CADM1: variants seen among roughly 807,000 people sequenced by gnomAD.
CADM1 encodes TSLC-1.
CADM1 carries 15 observed loss-of-function variants against 53.1 expected under a neutral mutation model. The ratio of observed to expected loss-of-function variants is 0.28; its 90% CI spans 0.19 to 0.44. The LOEUF is 0.44. Ranked by LOEUF, CADM1 falls within the 20% of genes least tolerant of loss-of-function variation. The probability of loss-of-function intolerance (pLI) is 1.00; values close to 1 mark genes in which losing one functional copy is unlikely to be tolerated. For synonymous variants in CADM1, 281 were observed against 243.0 expected (o/e 1.16, Z -1.45); for missense variants, 434 against 611.3 (o/e 0.71, Z 3.06).
intron 2 of CADM1, among the ~76,000 whole-genome samples, chr11:115,240,025 C>T (rs1380934310): frequency 6.6e-6 from 1 of 152,106 alleles, no homozygotes; most frequent in Non-Finnish European, 1.5e-5. Flanking sequence ...GACTCGATTG[C>T]AATTCACCTT....
intron 1 of CADM1, among the ~76,000 whole-genome samples, chr11:115,321,338 AGTGGTAAGT>A (rs1041733473): frequency 2.4e-4 from 36 of 152,284 alleles, no homozygotes; most frequent in African/African-American, 8.4e-4. Flanking sequence ...TAAATATGCT[AGTGGTAAGT>A]GCACAGTACT....
intron 5 of CADM1, among the ~76,000 whole-genome samples, chr11:115,227,588 A>C (rs982997109): frequency 6.6e-6 from 1 of 152,218 alleles, no homozygotes; most frequent in Non-Finnish European, 1.5e-5. Context: ...GAAATCTACT[A>C]TCTGCTAATT....
At chr11:115,346,610 G>C (rs944532985) in intron 1 of CADM1, among the ~76,000 whole-genome samples, 2 of 151,858 alleles carry the variant, frequency 1.3e-5, no homozygotes, top group Admixed American at 6.6e-5. Context: ...TTTTTGTTGG[G>C]GTGAGTAACA....
At chr11:115,476,240 A>C (rs1949127983) in intron 1 of CADM1, among the ~76,000 whole-genome samples, 1 of 152,232 alleles carries the variant, frequency 6.6e-6, no homozygotes, top group African/African-American at 2.4e-5. Flanking sequence ...TCAAGAATAT[A>C]ACTTATATTC....
At position 115,262,319 on chromosome 11, in the gene CADM1, A is replaced by T. The variant is rs188894706; in HGVS notation, c.125-21899T>A. On this transcript the variant is annotated intron_variant, in intron 1 of 11. Transcript: ENST00000331581. ...AAGCACTCACTTTCAAGGCATTTAGAATCTAAAAGGATGAAATCAACTTCA... is the reference window on the plus strand; with the variant it reads ...AAGCACTCACTTTCAAGGCATTTAGTATCTAAAAGGATGAAATCAACTTCA... Among the ~76,000 whole-genome samples the T allele has an allele frequency of 7.0e-4, 107 of 152,334 alleles. 2 individuals carry two copies. The East Asian group carries it at 0.01, about 14-fold the overall frequency.
At chr11:115,430,798 T>A (rs746488393) in intron 1 of CADM1, among the ~76,000 whole-genome samples, 2 of 152,144 alleles carry the variant, frequency 1.3e-5, no homozygotes, top group African/African-American at 4.8e-5. Flanking sequence ...AATACTCTCC[T>A]CCAGATAAAA....
chr11:115,359,967 G>A (rs1377933716), intron 1 of CADM1, among the ~76,000 whole-genome samples: 2 of 152,100 alleles, frequency 1.3e-5, no homozygotes, highest in African/African-American at 4.8e-5. Flanking sequence ...ATCACATGTT[G>A]AGAGCCTTGA....
intron 1 of CADM1, among the ~76,000 whole-genome samples, chr11:115,256,339 C>T (rs1292583633): frequency 6.6e-6 from 1 of 152,200 alleles, no homozygotes; most frequent in Non-Finnish European, 1.5e-5. Flanking sequence ...CAGAAAGAAT[C>T]AGGCTTGGAA....
At chr11:115,281,604 A>C (rs1370934106) in intron 1 of CADM1, among the ~76,000 whole-genome samples, 5 of 152,168 alleles carry the variant, frequency 3.3e-5, no homozygotes, top group African/African-American at 1.2e-4. Flanking sequence ...CAAATAATGA[A>C]ACTTGTTCTT....
chr11:115,214,682 T>G lies in CADM1; in HGVS notation c.920A>C (p.Asp307Ala). ...AGCTTCACAGCGGTATGTACCATTATCTGTTTTGTTTAGGTTATTGATGAA... is the reference window on the plus strand; with the variant it reads ...AGCTTCACAGCGGTATGTACCATTAGCTGTTTTGTTTAGGTTATTGATGAA... ...NLFINNLNKT[D>A]NGTYRCEASN... Residue 307 changes from aspartate to alanine, a missense_variant, in exon 7 of 12, where the codon GAT becomes GCT. By Grantham distance (126) the Asp-to-Ala change is moderately radical. Around this residue, in one of 4 missense-constraint regions of CADM1, gnomAD observed 311 missense variants for 435.1 expected, o/e 0.71. Coordinates refer to ENST00000331581, the MANE Select transcript of CADM1 (RefSeq NM_001301043.2). 1 of 1,614,080 alleles carries G rather than the reference T, an allele frequency of 6.2e-7. No homozygotes were observed. The highest frequency in any genetic ancestry group is 8.5e-7 in the Non-Finnish European group (1 of 1,179,948).
rs554504417 is a variant in CADM1, at chr11:115,435,726, G to A, written c.124+68545C>T. Among the ~76,000 whole-genome samples the A allele has an allele frequency of 1.4e-3, 207 of 152,204 alleles. 1 individual carries two copies. The highest frequency in any genetic ancestry group is 2.6e-4 in the Non-Finnish European group (18 of 68,022). On this transcript the variant is annotated intron_variant, in intron 1 of 11. Coordinates refer to ENST00000331581, the MANE Select transcript of CADM1 (RefSeq NM_001301043.2). ...AGCCTGGGCCATAGAGTGAGACTCC[G>A]TCTCAAAAAATAAATAAAATAAAAT...
At chr11:115,415,823 CAAAAAAAAAAAAAAAA>C (rs71066426) in intron 1 of CADM1, among the ~76,000 whole-genome samples, 119 of 43,668 alleles carry the variant, frequency 2.7e-3, no homozygotes, top group Non-Finnish European at 3.4e-3. Context: ...AGACTGTCTC[CAAAAAAAAAAAAAAAA>C]AAAAAAAAAA....
Position 115,198,446 on chromosome 11 carries a change from C to G in CADM1, c.1079-8G>C. ...CTGTCGTCGCCGTTGTGTCTACAGA[C>G]GGGAACAGAGGATTGGAGGAAGGGA... On this transcript the variant is annotated splice_region_variant and splice_polypyrimidine_tract_variant and intron_variant, in intron 8 of 11. Coordinates refer to ENST00000331581, the MANE Select transcript of CADM1 (RefSeq NM_001301043.2). 1 of 1,594,092 alleles carries G rather than the reference C, an allele frequency of 6.3e-7. No homozygotes were observed. The highest frequency in any genetic ancestry group is 8.5e-7 in the Non-Finnish European group (1 of 1,177,980).
At chr11:115,477,273 T>C (rs1591286551) in intron 1 of CADM1, among the ~76,000 whole-genome samples, 1 of 151,832 alleles carries the variant, frequency 6.6e-6, no homozygotes, top group East Asian at 1.9e-4. Context: ...GCATGGATCA[T>C]GGAAAAAAAA....
chr11:115,334,497 G>C (rs1407237710), intron 1 of CADM1, among the ~76,000 whole-genome samples: 1 of 151,414 alleles, frequency 6.6e-6, no homozygotes, highest in Non-Finnish European at 1.5e-5. Context: ...AGGTGATGGA[G>C]AGACCACATT....
chr11:115,467,130 C>A (rs1222962088), intron 1 of CADM1, among the ~76,000 whole-genome samples: 2 of 152,248 alleles, frequency 1.3e-5, no homozygotes, highest in East Asian at 1.9e-4. Context: ...TTATGAGAGA[C>A]CGGGTGAGAG....
chr11:115,249,657 T>A (rs1295130629), intron 1 of CADM1, among the ~76,000 whole-genome samples: 1 of 152,174 alleles, frequency 6.6e-6, no homozygotes, highest in Admixed American at 6.5e-5. Flanking sequence ...AACTTAGATT[T>A]CTCTTTTACC....
At chr11:115,318,007 C>CACAA (rs1013628461) in intron 1 of CADM1, among the ~76,000 whole-genome samples, 17 of 151,932 alleles carry the variant, frequency 1.1e-4, no homozygotes, top group African/African-American at 4.1e-4. Flanking sequence ...CACACACACA[C>CACAA]ACACACACAA....
intron 1 of CADM1, among the ~76,000 whole-genome samples, chr11:115,255,171 C>T (rs1215842102): frequency 6.6e-6 from 1 of 152,146 alleles, no homozygotes; most frequent in Non-Finnish European, 1.5e-5. Context: ...AAGAAATGAG[C>T]GTTACTTGCC....
Sources: allele counts gnomAD v4.1 joint callset (sites outside exome capture counted in the v4.1 genomes callset), GRCh38; gene constraint gnomAD v4.1.1; regional missense constraint gnomAD v4.1.1; transcripts MANE v1.5; gene names NCBI Gene and HGNC (gene_info 2026-07-23, HGNC 2026-07-21).